Variants in DTNA observed in about 807,000 individuals in gnomAD.
DTNA encodes the protein dystrobrevin alpha.
A neutral mutation model predicts 100.7 loss-of-function variants in DTNA; 43 were observed. The ratio of observed to expected loss-of-function variants is 0.43; its 90% CI spans 0.33 to 0.55. The LOEUF (loss-of-function observed/expected upper bound fraction) is 0.55, where lower values mean the gene tolerates loss of function less well. DTNA is among the 20% of genes least tolerant of loss of function. The pLI is 0.04. For missense variants in DTNA, 798 were observed against 953.9 expected (o/e 0.84, Z 2.15); for synonymous variants, 349 against 347.9 (o/e 1.00, Z -0.04).
chr18:34,626,788 TG>T (rs2148001303), intron 1 of DTNA, among the ~76,000 whole-genome samples: 1 of 152,368 alleles, frequency 6.6e-6, no homozygotes, highest in East Asian at 1.9e-4. Flanking sequence ...AGATGCAGCC[TG>T]GGGCTGTCAC....
intron 1 of DTNA, among the ~76,000 whole-genome samples, chr18:34,608,557 T>A (rs879441280): frequency 3.3e-5 from 5 of 151,920 alleles, no homozygotes; most frequent in Admixed American, 3.3e-4. Flanking sequence ...TGGTGAGAAC[T>A]ATTCATAAAA....
chr18:34,526,109 G>A (rs762736353), intron 1 of DTNA, among the ~76,000 whole-genome samples: 2 of 152,166 alleles, frequency 1.3e-5, no homozygotes, highest in South Asian at 2.1e-4. Flanking sequence ...GCACGGCTAC[G>A]TGTGTTCTGG....
chr18:34,497,626 T>A (rs956215906), intron 1 of DTNA, among the ~76,000 whole-genome samples: 10 of 152,076 alleles, frequency 6.6e-5, no homozygotes, highest in African/African-American at 2.4e-4. Context: ...TACTGCTGAA[T>A]TAAATTTCCA....
At position 34,888,039 on chromosome 18, in the gene DTNA, T is replaced by C; in HGVS notation, c.*305T>C. 1 of 985,898 alleles carries C rather than the reference T, an allele frequency of 1.0e-6. No individual in the cohort carries two copies. The highest frequency in any genetic ancestry group is 1.2e-6 in the Non-Finnish European group (1 of 829,948). 61.1% of individuals were successfully genotyped at this position (985,898 alleles called of 1,614,324 possible). Reference sequence around the variant, plus strand: ...TTCTGTTCAAAGTTAACTTATCAGCTACATCCTCTGTAACGTGGTTCATCC... The same window carrying C: ...TTCTGTTCAAAGTTAACTTATCAGCCACATCCTCTGTAACGTGGTTCATCC... On this transcript the variant is annotated 3_prime_UTR_variant, in exon 23 of 23. Transcript: ENST00000444659.
chr18:34,811,561 C>T (rs2095487069), intron 5 of DTNA, among the ~76,000 whole-genome samples: 1 of 151,956 alleles, frequency 6.6e-6, no homozygotes, highest in African/African-American at 2.4e-5. Context: ...ATACGCACAC[C>T]CCAACTTTAT....
intron 4 of DTNA, 112 bp from the exon 5 acceptor site, chr18:34,806,107 T>A (rs111683522): frequency 1.1e-6 from 1 of 905,446 alleles, no homozygotes; most frequent in East Asian, 2.6e-5. Flanking sequence ...CTATGTATCC[T>A]GTGATTTCTA....
chr18:34,700,903 A>G (rs530838281), intron 1 of DTNA, among the ~76,000 whole-genome samples: 66 of 152,320 alleles, frequency 4.3e-4, no homozygotes, highest in African/African-American at 1.6e-3. Flanking sequence ...CAAACATGCA[A>G]GTATACCATC....
chr18:34,756,073 A>G (rs372064863), intron 2 of DTNA, 30 bp downstream of exon 2: 24 of 1,601,078 alleles, frequency 1.5e-5, no homozygotes, highest in African/African-American at 1.2e-4. Context: ...GGAACACCCT[A>G]TAGTTTCCAT....
chr18:34,586,181 A>G (rs533733701), intron 1 of DTNA, among the ~76,000 whole-genome samples: 1 of 152,338 alleles, frequency 6.6e-6, no homozygotes, highest in Admixed American at 6.5e-5. Flanking sequence ...TAGTTTGCTT[A>G]TTTGGAGAAA....
rs80328624 is a variant in DTNA at position 34,824,677 on chromosome 18, T to G, written c.1002-2916T>G. Among the ~76,000 whole-genome samples the G allele has an allele frequency of 5.0e-3, 754 of 152,200 alleles. 7 individuals are homozygous for G. The highest frequency in any genetic ancestry group is 7.9e-3 in the Admixed American group (120 of 15,286). On this transcript the variant is annotated intron_variant, in intron 9 of 22. Transcript: ENST00000444659. ...TAAGAAAATAATAAGTGGAAAATGC[T>G]TTATCAATACATTAGAAAATATTTT...
chr18:34,526,661 A>G (rs1399122244), intron 1 of DTNA, among the ~76,000 whole-genome samples: 4 of 152,128 alleles, frequency 2.6e-5, no homozygotes, highest in Non-Finnish European at 4.4e-5. Flanking sequence ...TGGTGGACCT[A>G]TACTTCATAG....
rs183645360 is a variant in DTNA, at chr18:34,524,829, A to G, written c.-2+31315A>G. Among the ~76,000 whole-genome samples, 19 of 152,270 alleles carry G rather than the reference A, an allele frequency of 1.2e-4. No homozygotes were observed. In the East Asian group the frequency reaches 3.5e-3, roughly 28 times the overall value. On this transcript the variant is annotated intron_variant, in intron 1 of 19. Transcript: ENST00000283365. ...TATTCCTGGAAGCTGTGACAACCCA[A>G]ACATTTGTGTCCAACCGATAGAGGA...
intron 3 of DTNA, among the ~76,000 whole-genome samples, chr18:34,778,443 G>A (rs2094162751): frequency 6.6e-6 from 1 of 151,966 alleles, no homozygotes; most frequent in South Asian, 2.1e-4. Flanking sequence ...TTTTAAAAAG[G>A]TTGTTAAAAT....
chr18:34,869,680 A>G (rs2096744136), intron 17 of DTNA, among the ~76,000 whole-genome samples: 1 of 151,828 alleles, frequency 6.6e-6, no homozygotes, highest in African/African-American at 2.4e-5. Flanking sequence ...TATAATAAAC[A>G]TTTTTGTGTG....
At chr18:34,851,691 T>C (rs1465506450) in intron 14 of DTNA, 140 bp from the exon 15 acceptor site, 45 of 975,808 alleles carry the variant, frequency 4.6e-5, no homozygotes, top group Non-Finnish European at 6.7e-5. Flanking sequence ...AAAATGGCAA[T>C]TGAATTTTAT....
rs914760228 is a variant in DTNA, at chr18:34,829,409, G to A, written c.1095G>A (p.Glu365=). 2.0e-6 allele frequency: 3 copies of A among 1,535,166 alleles called. No individual in the cohort carries two copies. Among genetic ancestry groups the A allele is most frequent in the Non-Finnish European group, 8.7e-7 (1 of 1,146,550 alleles). ...TGTTTGACTCCCTCAGGTTACCTGA[G>A]GGAATAAGTGCATCCAGCCCTGTGG... ...GSPFITRRLP[E]GISASSPVAE... The change falls in exon 11 of 23, where the codon GAG becomes GAA. Residue 365 remains glutamate, a synonymous_variant. Transcript: ENST00000444659.
rs146662964 is a variant in DTNA at position 34,686,122 on chromosome 18, C to T, written c.-1-69854C>T. The stretch of plus-strand genomic sequence containing the variant: ...GACTTCCTGTCTTCCTATTTGAATA[C>T]CCTTCATTTCTTTCTCTTGCCTGAT... On this transcript the variant is annotated intron_variant, in intron 1 of 19. Coordinates refer to the DTNA transcript ENST00000283365. Among the ~76,000 whole-genome samples, 844 of 152,114 alleles carry T rather than the reference C, an allele frequency of 5.5e-3. 4 individuals carry two copies. The highest frequency in any genetic ancestry group is 0.02 in the African/African-American group (822 of 41,474).
chr18:34,580,313 C>G (rs1409699925), intron 1 of DTNA, among the ~76,000 whole-genome samples: 3 of 152,078 alleles, frequency 2.0e-5, no homozygotes, highest in African/African-American at 4.8e-5. Context: ...ATCTGTGGGT[C>G]TGCTTCTAAT....
chr18:34,879,459 G>T, intron 19 of DTNA, 92 bp from the exon 20 acceptor site: 2 of 1,276,370 alleles, frequency 1.6e-6, no homozygotes, highest in East Asian at 4.8e-5. Context: ...ATTTTACACA[G>T]CACAGGTTGA....
Sources: gnomAD v4.1 joint callset for allele counts (sites outside exome capture counted in the v4.1 genomes callset) on GRCh38, gnomAD v4.1.1 for gene constraint, MANE v1.5 for transcripts, NCBI Gene and HGNC (gene_info 2026-07-23, HGNC 2026-07-21) for gene names.